Variants in PDXDC1 observed in about 807,000 individuals in gnomAD.
PDXDC1 encodes the protein pyridoxal dependent decarboxylase domain containing 1, also known as pyridoxal-dependent decarboxylase domain-containing protein 1.
A neutral mutation model predicts 100.1 loss-of-function variants in PDXDC1; 42 were observed. The ratio of observed to expected loss-of-function variants is 0.42; its 90% CI spans 0.33 to 0.54. The LOEUF is 0.54. Among genes scored for constraint, PDXDC1 ranks in the 20% least tolerant of loss-of-function variants. The pLI is 0.10. For missense variants in PDXDC1, 636 were observed against 979.2 expected, an observed-to-expected ratio of 0.65 and a Z score of 4.68; for synonymous variants, 260 against 371.7, an observed-to-expected ratio of 0.70 and a Z score of 3.46.
At chr16:15,041,532 G>A, downstream of PDXDC1, 3 of 858,070 alleles carry the variant, frequency 3.5e-6, no homozygotes, top group Non-Finnish European at 6.1e-6. Context: ...AGTGACAGCA[G>A]TGTGTGCCGG....
intron 16 of PDXDC1, among the ~76,000 whole-genome samples, chr16:15,044,098 T>A (rs117498345): frequency 6.6e-6 from 1 of 152,194 alleles, no homozygotes; most frequent in East Asian, 1.9e-4. Context: ...TTTTGGAATG[T>A]GTTCACTGCT....
intron 16 of PDXDC1, among the ~76,000 whole-genome samples, chr16:15,110,247 A>G (rs1399292059): frequency 6.7e-6 from 1 of 148,854 alleles, no homozygotes; most frequent in Non-Finnish European, 1.5e-5. Context: ...GTAGGAAGGG[A>G]AAGGAATTAT....
chr16:15,136,059 G>C (rs1413327736), intron 16 of PDXDC1: 208 of 1,574,676 alleles, frequency 1.3e-4, no homozygotes, highest in Non-Finnish European at 1.8e-4. Context: ...CCAGGCTGAA[G>C]GCCTCGCCCT....
At position 14,975,040 on chromosome 16, in the gene PDXDC1, G is replaced by T. The variant is rs1446151435; in HGVS notation, c.-160G>T. ...CGCCCCGCCGCCTCTCAACCATCAG[G>T]TTCGGCAGCCCGCGGCGCCGCCTGG... On this transcript the variant is annotated 5_prime_UTR_variant, in exon 1 of 23. Transcript: ENST00000396410. The T allele has an allele frequency of 5.3e-6, 8 of 1,522,916 alleles. No individual in the cohort carries two copies. The highest frequency in any genetic ancestry group is 2.2e-5 in the Admixed American group (1 of 46,292). The allele number at this position is 1,522,916 out of a possible 1,614,324, so 94.3% of individuals were successfully genotyped here. A position where few individuals can be genotyped will look rare whatever the true frequency, so the allele number is the denominator to read the frequency against.
intron 9 of PDXDC1, chr16:15,016,464 C>G: frequency 1.0e-6 from 1 of 971,724 alleles, no homozygotes; most frequent in Non-Finnish European, 1.4e-6. Context: ...CTCTGCTCCC[C>G]CAGTCACAGG....
chr16:15,029,876 G>A (rs549395857), intron 15 of PDXDC1, 75 bp from the exon 16 acceptor site: 23 of 1,373,418 alleles, frequency 1.7e-5, no homozygotes, highest in African/African-American at 8.7e-5. Context: ...GTCTGGGGCC[G>A]AGGGGATGAG....
At position 15,128,211 on chromosome 16, in the gene PDXDC1, T is replaced by C. The variant is rs1201873751; in HGVS notation, c.1400-10668T>C. The C allele has an allele frequency of 3.1e-6, 5 of 1,611,006 alleles. No homozygotes were observed. In the South Asian group the frequency reaches 4.4e-5, roughly 14 times the overall value. On this transcript the variant is annotated intron_variant, in intron 16 of 16. Coordinates refer to the PDXDC1 transcript ENST00000535621. ...GGCAGAGGGGCAGAGCTTGGCAGGG[T>C]CCGCACAGACCTTTGTCGTGCCACA...
At position 15,066,506 on chromosome 16, in the gene PDXDC1, G is replaced by T. The variant is rs183292506; in HGVS notation, c.1399+36450G>T. The stretch of plus-strand genomic sequence containing the variant: ...AAATTAGCTGGGCGTGGTGGCAGGC[G>T]CCTGTAGTCCCAGCTATTCGGGAGG... On this transcript the variant is annotated intron_variant, in intron 16 of 16. Coordinates refer to the PDXDC1 transcript ENST00000535621. Among the ~76,000 whole-genome samples, 457 of 151,922 alleles carry T rather than the reference G, an allele frequency of 3.0e-3. 1 individual carries two copies. The highest frequency in any genetic ancestry group is 0.011 in the African/African-American group (444 of 41,458).
chr16:15,023,129 G>C (rs1247193287), intron 13 of PDXDC1, among the ~76,000 whole-genome samples: 2 of 152,266 alleles, frequency 1.3e-5, no homozygotes, highest in Non-Finnish European at 2.9e-5. Flanking sequence ...AGAATGCTTT[G>C]GGGTTCTCTT....
intron 5 of PDXDC1, among the ~76,000 whole-genome samples, chr16:15,005,705 T>G (rs1974109790): frequency 6.6e-6 from 1 of 152,242 alleles, no homozygotes; most frequent in African/African-American, 2.4e-5. Context: ...CTGACTAGCT[T>G]TTTTATTTTT....
intron 16 of PDXDC1, among the ~76,000 whole-genome samples, chr16:15,087,990 C>A (rs1190884048): frequency 1.3e-5 from 2 of 151,858 alleles, no homozygotes; most frequent in Non-Finnish European, 2.9e-5. Context: ...GGTGCATGCC[C>A]GTAATCCCAG....
At chr16:15,104,601 G>A (rs779394782) in intron 16 of PDXDC1, 39 of 1,599,174 alleles carry the variant, frequency 2.4e-5, no homozygotes, top group Admixed American at 3.3e-5. Flanking sequence ...CAGACACTCC[G>A]CAGGTGTCTT....
chr16:15,088,210 T>C (rs2045984415), intron 16 of PDXDC1, among the ~76,000 whole-genome samples: 2 of 152,128 alleles, frequency 1.3e-5, no homozygotes, highest in African/African-American at 4.8e-5. Flanking sequence ...CAGTGGCTCA[T>C]GCCTGTAATC....
At chr16:14,992,853 T>C (rs536937303) in intron 1 of PDXDC1, among the ~76,000 whole-genome samples, 7 of 152,352 alleles carry the variant, frequency 4.6e-5, no homozygotes, top group African/African-American at 1.7e-4. Flanking sequence ...GCTATACTTT[T>C]TTTTTTTTTT....
chr16:15,132,443 G>T (rs2151920109), intron 16 of PDXDC1, among the ~76,000 whole-genome samples: 2 of 141,248 alleles, frequency 1.4e-5, no homozygotes, highest in African/African-American at 5.3e-5. Context: ...GGGGAGGGGA[G>T]GGGAGAGTGG....
chr16:15,028,220 G>T (rs558002921), intron 14 of PDXDC1, among the ~76,000 whole-genome samples: 1 of 152,276 alleles, frequency 6.6e-6, no homozygotes, highest in Non-Finnish European at 1.5e-5. Flanking sequence ...CTTTCCTACC[G>T]CAAGGGCTTA....
chr16:15,035,643 G>T, intron 22 of PDXDC1, 90 bp downstream of exon 22: 1 of 699,676 alleles, frequency 1.4e-6, no homozygotes, highest in Non-Finnish European at 2.4e-6. Flanking sequence ...GAACTCCAGA[G>T]GTCTATTTCT....
At chr16:15,141,656 T>C (rs1224462133), downstream of PDXDC1, among the ~76,000 whole-genome samples, 1 of 152,172 alleles carries the variant, frequency 6.6e-6, no homozygotes, top group Non-Finnish European at 1.5e-5. Context: ...TCCCCTCCTC[T>C]ACACCAAGGT....
At position 14,998,412 on chromosome 16, in the gene PDXDC1, G is replaced by A. The variant is rs746436348; in HGVS notation, c.161+7G>A. On this transcript the variant is annotated splice_region_variant and intron_variant, in intron 3 of 22. Coordinates refer to ENST00000396410, the MANE Select transcript of PDXDC1 (RefSeq NM_015027.4). ...CAGGCCCACTCCAGGGCAGGTAGGT[G>A]GCACTGAGGATCCATACCTTTAGTT... 7.4e-6 allele frequency: 12 copies of A among 1,610,894 alleles called. No individual in the cohort carries two copies. In the East Asian group the frequency reaches 8.9e-5, roughly 12 times the overall value.
Sources: gnomAD v4.1 joint callset for allele counts (sites outside exome capture counted in the v4.1 genomes callset) on GRCh38, gnomAD v4.1.1 for gene constraint, MANE v1.5 for transcripts, NCBI Gene and HGNC (gene_info 2026-07-23, HGNC 2026-07-21) for gene names.